Variants in CHMP3 observed in about 807,000 individuals in gnomAD.
CHMP3 encodes 25.1 protein.
Under a neutral mutation model 27.4 loss-of-function variants are expected in CHMP3, and 8 were observed. The ratio of observed to expected loss-of-function variants is 0.29; its 90% CI spans 0.17 to 0.53. The LOEUF (loss-of-function observed/expected upper bound fraction) is 0.53, where lower values mean the gene tolerates loss of function less well. Among genes scored for constraint, CHMP3 ranks in the 20% least tolerant of loss-of-function variants. The probability of loss-of-function intolerance (pLI) is 0.96; values close to 1 mark genes in which losing one functional copy is unlikely to be tolerated. For synonymous variants in CHMP3, 86 were observed against 85.5 expected, an observed-to-expected ratio of 1.01 and a Z score of -0.03; for missense variants, 208 against 271.5, an observed-to-expected ratio of 0.77 and a Z score of 1.64.
rs1553409467 is a variant in CHMP3 at position 86,555,517 on chromosome 2, A to AAT, written c.45+7786_45+7787insAT. 8.9e-3 allele frequency among the ~76,000 whole-genome samples: 1,330 copies of AAT among 148,910 alleles called. 24 individuals are homozygous for AAT. The highest frequency in any genetic ancestry group is 0.07 in the East Asian group (352 of 5,044). On this transcript the variant is annotated intron_variant, in intron 1 of 5. Coordinates refer to ENST00000263856, the MANE Select transcript of CHMP3 (RefSeq NM_016079.4). ...CTCCATCTCAAAAAAAAAAATAAAT[A>AAT]AATAAATAATAAATGTGCTGTTTCA...
chr2:86,550,511 G>C (rs1486763485), intron 1 of CHMP3, among the ~76,000 whole-genome samples: 1 of 151,878 alleles, frequency 6.6e-6, no homozygotes, highest in East Asian at 1.9e-4. Flanking sequence ...AAAGGAAAAG[G>C]CTTCTTATAT....
At chr2:86,534,208 T>C (rs1676041312) in intron 2 of CHMP3, among the ~76,000 whole-genome samples, 2 of 134,048 alleles carry the variant, frequency 1.5e-5, no homozygotes, top group Non-Finnish European at 1.6e-5. Context: ...TTTTTTTTTT[T>C]TTTTTTTTTT....
At chr2:86,509,557 A>G (rs1056103643) in intron 4 of CHMP3, among the ~76,000 whole-genome samples, 4 of 152,218 alleles carry the variant, frequency 2.6e-5, no homozygotes, top group African/African-American at 9.7e-5. Context: ...TTTGAGGTGT[A>G]CACTCTTGGT....
intron 4 of CHMP3, among the ~76,000 whole-genome samples, chr2:86,508,812 T>A (rs1674984425): frequency 6.6e-6 from 1 of 152,210 alleles, no homozygotes; most frequent in Admixed American, 6.5e-5. Context: ...AAATTCATAT[T>A]CATGTTCACC....
intron 3 of CHMP3, among the ~76,000 whole-genome samples, chr2:86,520,633 G>A (rs1675485351): frequency 6.6e-6 from 1 of 152,174 alleles, no homozygotes; most frequent in Admixed American, 6.5e-5. Flanking sequence ...CTTTAAAAAT[G>A]TGTTTTGATT....
Position 86,549,733 on chromosome 2 carries a change from C to T in CHMP3, c.46-7421G>A, listed in dbSNP as rs550214305. Among the ~76,000 whole-genome samples, 14 of 146,404 alleles carry T rather than the reference C, an allele frequency of 9.6e-5. No homozygotes were observed. The South Asian group carries it at 2.9e-3, about 30-fold the overall frequency. ...CAGATGGGGCGGCCGGGCAGAGGCACCCACTTCGCAGACGGGGCGGCCAGG... is the reference window on the plus strand; with the variant it reads ...CAGATGGGGCGGCCGGGCAGAGGCATCCACTTCGCAGACGGGGCGGCCAGG... On this transcript the variant is annotated intron_variant, in intron 1 of 5. Transcript: ENST00000263856.
chr2:86,563,238 C>CA, intron 1 of CHMP3, 66 bp downstream of exon 1: 2 of 1,582,214 alleles, frequency 1.3e-6, no homozygotes, highest in Non-Finnish European at 1.7e-6. Context: ...AGTGTCCTGT[C>CA]ATTTACCAAC....
intron 1 of CHMP3, among the ~76,000 whole-genome samples, chr2:86,553,312 A>G (rs1017198799): frequency 9.2e-5 from 14 of 152,076 alleles, no homozygotes; most frequent in African/African-American, 2.9e-4. Context: ...TTACAATGCT[A>G]TAAGTAGAAA....
At chr2:86,537,304 G>A (rs1402742131) in intron 2 of CHMP3, among the ~76,000 whole-genome samples, 1 of 152,112 alleles carries the variant, frequency 6.6e-6, no homozygotes, top group Non-Finnish European at 1.5e-5. Context: ...GTACTTTTCA[G>A]CTCTGGAATT....
At chr2:86,557,591 C>T (rs980114695) in intron 1 of CHMP3, among the ~76,000 whole-genome samples, 4 of 152,150 alleles carry the variant, frequency 2.6e-5, no homozygotes, top group African/African-American at 9.7e-5. Flanking sequence ...AGCATTTCAT[C>T]CTCCAACCAT....
chr2:86,532,523 C>T (rs901885303), intron 2 of CHMP3, among the ~76,000 whole-genome samples: 3 of 152,046 alleles, frequency 2.0e-5, no homozygotes, highest in East Asian at 1.9e-4. Flanking sequence ...TGATCTTAGA[C>T]GAAAAGCTTT....
chr2:86,559,950 T>C (rs1442523296), intron 1 of CHMP3, among the ~76,000 whole-genome samples: 2 of 152,122 alleles, frequency 1.3e-5, no homozygotes, highest in Non-Finnish European at 2.9e-5. Flanking sequence ...TATAAAGAAA[T>C]ACCTGAGACT....
intron 1 of CHMP3, among the ~76,000 whole-genome samples, chr2:86,553,576 C>T (rs762612967): frequency 3.2e-4 from 49 of 152,266 alleles, no homozygotes; most frequent in Middle Eastern, 3.4e-3. Context: ...ATGTTCCACC[C>T]GCCTCGGCCT....
intron 3 of CHMP3, 124 bp downstream of exon 3, chr2:86,529,094 C>T: frequency 8.9e-7 from 1 of 1,125,088 alleles, no homozygotes; most frequent in Non-Finnish European, 1.2e-6. Context: ...TTCTACAACA[C>T]TCAACACTAA....
intron 3 of CHMP3, among the ~76,000 whole-genome samples, chr2:86,519,302 T>C (rs1438909485): frequency 6.9e-6 from 1 of 144,180 alleles, no homozygotes; most frequent in African/African-American, 2.6e-5. Flanking sequence ...GAGGCAGAGG[T>C]GGCAGTGAGC....
chr2:86,510,521 G>C (rs1221243800), intron 3 of CHMP3, 42 bp from the exon 4 acceptor site: 1 of 1,598,516 alleles, frequency 6.3e-7, no homozygotes, highest in Non-Finnish European at 8.5e-7. Context: ...CAACAGGATG[G>C]AATAGAGAGA....
chr2:86,520,660 A>G (rs1675486070), intron 3 of CHMP3, among the ~76,000 whole-genome samples: 1 of 152,226 alleles, frequency 6.6e-6, no homozygotes. Context: ...ATTGGTTTAA[A>G]TTTCACAAAC....
intron 2 of CHMP3, among the ~76,000 whole-genome samples, chr2:86,541,737 G>A (rs183459888): frequency 6.6e-6 from 1 of 152,240 alleles, no homozygotes; most frequent in Admixed American, 6.5e-5. Context: ...ATGGCTGGGA[G>A]TGGAATTTCC....
intron 1 of CHMP3, among the ~76,000 whole-genome samples, chr2:86,553,090 G>C (rs1406088584): frequency 6.6e-6 from 1 of 151,794 alleles, no homozygotes; most frequent in Non-Finnish European, 1.5e-5. Flanking sequence ...ATGGATACTG[G>C]GCTTAATACC....
Sources: allele counts gnomAD v4.1 joint callset (sites outside exome capture counted in the v4.1 genomes callset), GRCh38; gene constraint gnomAD v4.1.1; transcripts MANE v1.5; gene names NCBI Gene and HGNC (gene_info 2026-07-23, HGNC 2026-07-21).